The following TSC22D2 variants were observed in gnomAD, a reference collection of about 807,000 sequenced individuals.
TSC22D2 encodes TSC22 domain family protein 2.
Under a neutral mutation model 50.1 loss-of-function variants are expected in TSC22D2, and 5 were observed. That is an observed-to-expected ratio of 0.10 (90% CI 0.05 to 0.21). TSC22D2 has a LOEUF of 0.21. Among genes scored for constraint, TSC22D2 ranks in the 10% least tolerant of loss-of-function variants. The probability of loss-of-function intolerance (pLI) is 1.00; values close to 1 mark genes in which losing one functional copy is unlikely to be tolerated. For synonymous variants in TSC22D2, 501 were observed against 450.1 expected, an observed-to-expected ratio of 1.11 and a Z score of -1.43; for missense variants, 1,003 against 1,015.5, an observed-to-expected ratio of 0.99 and a Z score of 0.17.
chr3:150,418,824 T>C (rs1219830816), intron 1 of TSC22D2, among the ~76,000 whole-genome samples: 1 of 152,092 alleles, frequency 6.6e-6, no homozygotes, highest in Non-Finnish European at 1.5e-5. Flanking sequence ...TTGAAACGAT[T>C]TCAGTATCCT....
At position 150,415,301 on chromosome 3, in the gene TSC22D2, C is replaced by A. The variant is rs185722689; in HGVS notation, c.1958+3993C>A. 2.7e-3 allele frequency among the ~76,000 whole-genome samples: 409 copies of A among 152,204 alleles called. 3 individuals carry two copies. The highest frequency in any genetic ancestry group is 3.2e-3 in the Non-Finnish European group (219 of 68,002). ...TGTGCACTAAATCATATAGGCCAAA[C>A]ATTGGTAAATTTTTTTAGAAAACAT... On this transcript the variant is annotated intron_variant, in intron 1 of 2. Coordinates refer to ENST00000688009, the MANE Select transcript of TSC22D2 (RefSeq NM_001303264.2).
chr3:150,427,542 G>A (rs915554408), intron 1 of TSC22D2, among the ~76,000 whole-genome samples: 1 of 152,066 alleles, frequency 6.6e-6, no homozygotes, highest in Non-Finnish European at 1.5e-5. Flanking sequence ...TTGGTTAAAT[G>A]TTCTCTCCTA....
chr3:150,461,310 A>G lies in TSC22D2; in HGVS notation c.*2674A>G, dbSNP rs577744549. On this transcript the variant is annotated 3_prime_UTR_variant, in exon 3 of 3. Coordinates refer to ENST00000688009, the MANE Select transcript of TSC22D2 (RefSeq NM_001303264.2). ...CCCTTCCCCCAGCTGATTGTTTAGG[A>G]TCTTAAGTAACTTCCAATTCAGCTT... The G allele has an allele frequency of 6.6e-6, 1 of 152,224 alleles. No homozygotes were observed. The highest frequency in any genetic ancestry group is 1.9e-4 in the East Asian group (1 of 5,184). 9.4% of individuals were successfully genotyped at this position (152,224 alleles called of 1,614,324 possible).
chr3:150,436,474 G>T (rs906699763), intron 1 of TSC22D2, among the ~76,000 whole-genome samples: 2 of 151,990 alleles, frequency 1.3e-5, no homozygotes, highest in African/African-American at 4.8e-5. Flanking sequence ...AGTATTTCAG[G>T]AAGTATTTAC....
intron 1 of TSC22D2, among the ~76,000 whole-genome samples, chr3:150,417,053 G>T (rs1156943808): frequency 3.3e-5 from 5 of 152,208 alleles, no homozygotes; most frequent in Admixed American, 3.3e-4. Flanking sequence ...ATTAGTGTTT[G>T]CCTGGGACAT....
In TSC22D2 at chr3:150,408,442, G is replaced by C. The variant is rs1052189474; in HGVS notation, c.-909G>C. On this transcript the variant is annotated 5_prime_UTR_variant, in exon 1 of 3. Coordinates refer to ENST00000688009, the MANE Select transcript of TSC22D2 (RefSeq NM_001303264.2). The stretch of plus-strand genomic sequence containing the variant: ...TCAGTTTCTTCGGGGTTTAGGAATT[G>C]GGCGCACCGAGGAGGAGCCGGAGAA... The C allele has an allele frequency of 9.8e-5, 15 of 152,494 alleles. No homozygotes were observed. The highest frequency in any genetic ancestry group is 3.6e-4 in the African/African-American group (15 of 41,466). The allele number at this position is 152,494 out of a possible 1,614,324, so 9.4% of individuals were successfully genotyped here. A position where few individuals can be genotyped will look rare whatever the true frequency, so the allele number is the denominator to read the frequency against.
At chr3:150,435,515 C>T (rs1270005465) in intron 1 of TSC22D2, among the ~76,000 whole-genome samples, 1 of 152,156 alleles carries the variant, frequency 6.6e-6, no homozygotes, top group Non-Finnish European at 1.5e-5. Context: ...ATTGGTTTAT[C>T]ATGGCTAGGA....
intron 1 of TSC22D2, among the ~76,000 whole-genome samples, chr3:150,431,275 C>T (rs1720374638): frequency 6.8e-6 from 1 of 146,678 alleles, no homozygotes; most frequent in Non-Finnish European, 1.5e-5. Context: ...ATACCATATC[C>T]ATTTAACTTC....
rs768002783 is a variant in TSC22D2, at chr3:150,410,756, G to C, written c.1406G>C (p.Cys469Ser). The change falls in exon 1 of 3, where the codon TGC (cysteine) becomes TCC (serine). Residue 469 changes from cysteine (C) to serine (S), a missense_variant. Cys to Ser is a moderately radical substitution (Grantham distance 112). Around this residue, in one of 6 missense-constraint regions of TSC22D2, gnomAD observed 696 missense variants for 647.8 expected, o/e 1.07. Coordinates refer to ENST00000688009, the MANE Select transcript of TSC22D2 (RefSeq NM_001303264.2). ...ACTGTGGGAGGCGTGGTGCAGCCGT[G>C]CCTCGGTCCTGCCGGGGCTGGGCAG... ...PATVGGVVQP[C>S]LGPAGAGQPQ... The C allele has an allele frequency of 1.9e-6, 3 of 1,608,160 alleles. No individual in the cohort carries two copies. The highest frequency in any genetic ancestry group is 1.7e-5 in the Admixed American group (1 of 59,584).
At chr3:150,457,773 G>A (rs1375346337) in intron 2 of TSC22D2, among the ~76,000 whole-genome samples, 9 of 151,978 alleles carry the variant, frequency 5.9e-5, no homozygotes, top group Non-Finnish European at 1.3e-4. Flanking sequence ...GTAGTTGGGA[G>A]CACAGGCACA....
chr3:150,424,283 T>C (rs1720102423), intron 1 of TSC22D2, among the ~76,000 whole-genome samples: 1 of 152,162 alleles, frequency 6.6e-6, no homozygotes, highest in Admixed American at 6.5e-5. Flanking sequence ...ACATGAAGGT[T>C]TAATCTTTCA....
At position 150,428,413 on chromosome 3, in the gene TSC22D2, C is replaced by A. The variant is rs73869239; in HGVS notation, c.1958+17105C>A. 8.6e-3 allele frequency among the ~76,000 whole-genome samples: 1,314 copies of A among 151,980 alleles called. 20 individuals are homozygous for A. Among genetic ancestry groups the A allele is most frequent in the African/African-American group, 0.03 (1,231 of 41,478 alleles). The stretch of plus-strand genomic sequence containing the variant: ...TTCCCTCTAAAACTCATTTTTGGAT[C>A]CCTGATTTAGATGGAAACCTCAGGG... On this transcript the variant is annotated intron_variant, in intron 1 of 2. Transcript: ENST00000688009.
intron 1 of TSC22D2, among the ~76,000 whole-genome samples, chr3:150,436,551 G>A (rs113879123): frequency 0.011 from 1,607 of 152,208 alleles, 26 homozygotes; most frequent in African/African-American, 0.037. Flanking sequence ...AAAAATTACA[G>A]TATTTTGGTT....
intron 1 of TSC22D2, among the ~76,000 whole-genome samples, chr3:150,455,887 T>C (rs909958311): frequency 2.0e-5 from 3 of 151,654 alleles, no homozygotes; most frequent in African/African-American, 4.9e-5. Flanking sequence ...CTAATAACTG[T>C]TTTTAGAAAT....
At chr3:150,449,507 TC>T (rs1447678152) in intron 1 of TSC22D2, among the ~76,000 whole-genome samples, 1 of 152,162 alleles carries the variant, frequency 6.6e-6, no homozygotes, top group African/African-American at 2.4e-5. Context: ...TGTGCACACA[TC>T]TGTACCTTTA....
At chr3:150,411,908 T>C (rs1264545330) in intron 1 of TSC22D2, among the ~76,000 whole-genome samples, 1 of 152,200 alleles carries the variant, frequency 6.6e-6, no homozygotes, top group Non-Finnish European at 1.5e-5. Context: ...TTCTCTAAGA[T>C]ACTATTTTTT....
chr3:150,434,914 T>A (rs376745083), intron 1 of TSC22D2, among the ~76,000 whole-genome samples: 4 of 152,200 alleles, frequency 2.6e-5, no homozygotes, highest in South Asian at 4.1e-4. Flanking sequence ...ATATCTTGGC[T>A]CAACCACAGA....
rs536906226 is a variant in TSC22D2 at position 150,432,421 on chromosome 3, C to T, written c.1958+21113C>T. ...TCTCTTTATTATTTATTTATTTATT[C>T]ATTTATTCAATTCTTTTTTTTTCTT... is the stretch of plus-strand genomic sequence containing the variant. On this transcript the variant is annotated intron_variant, in intron 1 of 2. Coordinates refer to ENST00000688009, the MANE Select transcript of TSC22D2 (RefSeq NM_001303264.2). 8.0e-4 allele frequency among the ~76,000 whole-genome samples: 121 copies of T among 151,702 alleles called. 1 individual carries two copies. The highest frequency in any genetic ancestry group is 2.7e-3 in the African/African-American group (112 of 41,428).
chr3:150,425,964 A>G (rs1250430179), intron 1 of TSC22D2, among the ~76,000 whole-genome samples: 1 of 152,106 alleles, frequency 6.6e-6, no homozygotes, highest in Admixed American at 6.5e-5. Flanking sequence ...TTCTCCTTCC[A>G]TTTATATCCA....
Sources: gnomAD v4.1 joint callset for allele counts (sites outside exome capture counted in the v4.1 genomes callset) on GRCh38, gnomAD v4.1.1 for gene constraint, gnomAD v4.1.1 regional missense constraint, MANE v1.5 for transcripts, NCBI Gene and HGNC (gene_info 2026-07-23, HGNC 2026-07-21) for gene names.